The following DSCAM variants were observed in gnomAD, a reference collection of about 807,000 sequenced individuals.
DSCAM encodes the protein cell adhesion molecule DSCAM.
DSCAM carries 47 observed loss-of-function variants against 217.7 expected under a neutral mutation model. That is an observed-to-expected ratio of 0.22 (90% CI 0.17 to 0.28). The LOEUF (loss-of-function observed/expected upper bound fraction) is 0.28, where lower values mean the gene tolerates loss of function less well. Among genes scored for constraint, DSCAM ranks in the 10% least tolerant of loss-of-function variants. DSCAM has a pLI of 1.00. For missense variants in DSCAM, 2,080 were observed against 2,618.3 expected (o/e 0.79, Z 4.49); for synonymous variants, 1,056 against 1,015.3 (o/e 1.04, Z -0.76).
intron 32 of DSCAM, among the ~76,000 whole-genome samples, chr21:40,040,162 G>A (rs574439132): frequency 1.3e-5 from 2 of 152,310 alleles, no homozygotes; most frequent in South Asian, 2.1e-4. Context: ...CAGTCATCTA[G>A]GGTAGACAAA....
intron 3 of DSCAM, among the ~76,000 whole-genome samples, chr21:40,495,260 G>C (rs1482189354): frequency 6.6e-6 from 1 of 152,120 alleles, no homozygotes. Context: ...ACCAAAGCCA[G>C]ACAAGAACAC....
At chr21:40,093,360 T>C (rs2089634840) in intron 21 of DSCAM, among the ~76,000 whole-genome samples, 2 of 152,352 alleles carry the variant, frequency 1.3e-5, no homozygotes, top group African/African-American at 4.8e-5. Context: ...GACTATAAAA[T>C]AGACATTTCT....
chr21:40,154,613 A>G (rs965781384), intron 16 of DSCAM, among the ~76,000 whole-genome samples: 1 of 152,160 alleles, frequency 6.6e-6, no homozygotes, highest in African/African-American at 2.4e-5. Context: ...TAAATACAGT[A>G]TCTGTGTCCT....
At chr21:40,512,691 A>T in intron 3 of DSCAM, among the ~76,000 whole-genome samples, 1 of 151,996 alleles carries the variant, frequency 6.6e-6, no homozygotes, top group East Asian at 1.9e-4. Context: ...TTATCATAGT[A>T]AAGTTATAGT....
Position 40,835,440 on chromosome 21 carries a change from A to G in DSCAM, c.43+11179T>C, listed in dbSNP as rs114167197. ...TGCCCCCACCCCCTTTTAAAGGAAC[A>G]TGAGTATAGGAAACTATTATTGTAA... On this transcript the variant is annotated intron_variant, in intron 1 of 32. Transcript: ENST00000400454. 8.7e-3 allele frequency among the ~76,000 whole-genome samples: 1,325 copies of G among 152,298 alleles called. 22 individuals carry two copies. The highest frequency in any genetic ancestry group is 0.031 in the African/African-American group (1,277 of 41,560).
chr21:40,255,480 G>A (rs2073358534), intron 11 of DSCAM, among the ~76,000 whole-genome samples: 3 of 152,212 alleles, frequency 2.0e-5, no homozygotes, highest in Admixed American at 2.0e-4. Flanking sequence ...ACATAAATAT[G>A]TTACTGTACA....
At chr21:40,256,957 C>A (rs1392462379) in intron 11 of DSCAM, among the ~76,000 whole-genome samples, 5 of 152,178 alleles carry the variant, frequency 3.3e-5, no homozygotes, top group Non-Finnish European at 7.3e-5. Flanking sequence ...AGCACACAAA[C>A]CCTGTCCCTA....
chr21:40,698,664 G>A (rs1166289447), intron 2 of DSCAM, among the ~76,000 whole-genome samples: 7 of 152,092 alleles, frequency 4.6e-5, no homozygotes, highest in African/African-American at 9.7e-5. Flanking sequence ...GAGGTCAGGA[G>A]TTCAAGACCA....
intron 3 of DSCAM, among the ~76,000 whole-genome samples, chr21:40,596,027 A>G (rs1351634841): frequency 1.3e-5 from 2 of 152,156 alleles, no homozygotes; most frequent in Admixed American, 6.5e-5. Context: ...TCCTTTGCGC[A>G]AGAACTAGCA....
intron 3 of DSCAM, among the ~76,000 whole-genome samples, chr21:40,411,526 A>C (rs1012539245): frequency 3.9e-5 from 6 of 152,126 alleles, no homozygotes; most frequent in African/African-American, 1.4e-4. Flanking sequence ...TATGCTGTGT[A>C]AAAGAAACAT....
intron 3 of DSCAM, chr21:40,618,573 TATA>T (rs1273887343): frequency 6.6e-6 from 1 of 151,588 alleles, no homozygotes; most frequent in South Asian, 2.1e-4. Flanking sequence ...TGTCAAATAA[TATA>T]ATAAGTTCCT....
intron 11 of DSCAM, among the ~76,000 whole-genome samples, chr21:40,270,460 G>C (rs1247197398): frequency 6.6e-6 from 1 of 152,202 alleles, no homozygotes; most frequent in Non-Finnish European, 1.5e-5. Flanking sequence ...GGGTGCTGGT[G>C]ACTGAATTTA....
chr21:40,338,444 CT>C, intron 7 of DSCAM, 68 bp from the exon 8 acceptor site: 1 of 1,473,628 alleles, frequency 6.8e-7, no homozygotes, highest in Non-Finnish European at 9.2e-7. Flanking sequence ...AATGGGTACA[CT>C]TTTCCTTGAG....
At chr21:40,099,140 T>C (rs933856581) in intron 20 of DSCAM, among the ~76,000 whole-genome samples, 3 of 152,234 alleles carry the variant, frequency 2.0e-5, no homozygotes, top group African/African-American at 7.2e-5. Context: ...AAAATAAAGA[T>C]CTTTTTCTGT....
chr21:40,398,661 A>C (rs963738272), intron 3 of DSCAM, among the ~76,000 whole-genome samples: 3 of 123,252 alleles, frequency 2.4e-5, no homozygotes, highest in African/African-American at 3.1e-5. Context: ...TTTGAGATGG[A>C]GTCTCACTCT....
intron 15 of DSCAM, among the ~76,000 whole-genome samples, chr21:40,174,650 C>T (rs2090702796): frequency 6.6e-6 from 1 of 151,908 alleles, no homozygotes; most frequent in Non-Finnish European, 1.5e-5. Flanking sequence ...AACTATGGCT[C>T]ACTGAGGGGG....
intron 20 of DSCAM, among the ~76,000 whole-genome samples, chr21:40,101,646 A>G (rs2146610774): frequency 6.6e-6 from 1 of 152,250 alleles, no homozygotes; most frequent in South Asian, 2.1e-4. Flanking sequence ...GGCAATCCAC[A>G]GTGTTCTTAG....
intron 15 of DSCAM, among the ~76,000 whole-genome samples, chr21:40,173,253 G>C (rs769814369): frequency 3.3e-5 from 5 of 152,174 alleles, no homozygotes; most frequent in Non-Finnish European, 5.9e-5. Flanking sequence ...GGACCCAGTG[G>C]AGTGGGCAGT....
intron 3 of DSCAM, among the ~76,000 whole-genome samples, chr21:40,455,886 G>C (rs2075759459): frequency 6.6e-6 from 1 of 152,160 alleles, no homozygotes; most frequent in Non-Finnish European, 1.5e-5. Context: ...TCAAGGGAGA[G>C]AGACAGGGAA....
Sources: allele counts gnomAD v4.1 joint callset (sites outside exome capture counted in the v4.1 genomes callset), GRCh38; gene constraint gnomAD v4.1.1; transcripts MANE v1.5; gene names NCBI Gene and HGNC (gene_info 2026-07-23, HGNC 2026-07-21).